The following UNC5C variants were observed in gnomAD, a reference collection of about 807,000 sequenced individuals.
UNC5C encodes the protein unc-5 netrin receptor C, also known as netrin receptor UNC5C.
In UNC5C, 47 loss-of-function variants were observed where a neutral mutation model predicts 99.8. That is an observed-to-expected ratio of 0.47 (90% CI 0.37 to 0.60). The LOEUF is 0.60. Ranked by LOEUF, UNC5C falls within the 20% of genes least tolerant of loss-of-function variation. The pLI, the probability that UNC5C is intolerant of heterozygous loss-of-function variation, is 0.00. For missense variants in UNC5C, 1,062 were observed against 1,165.9 expected (o/e 0.91, Z 1.30); for synonymous variants, 487 against 452.2 (o/e 1.08, Z -0.98).
At chr4:95,333,802 T>C (rs1278764028) in intron 2 of UNC5C, among the ~76,000 whole-genome samples, 1 of 152,168 alleles carries the variant, frequency 6.6e-6, no homozygotes, top group Non-Finnish European at 1.5e-5. Context: ...TAAGCCTGAA[T>C]ATGTTGTAAC....
chr4:95,230,685 T>C (rs570166754), intron 7 of UNC5C, among the ~76,000 whole-genome samples: 4 of 152,108 alleles, frequency 2.6e-5, no homozygotes, highest in Admixed American at 2.6e-4. Context: ...ACACCATTCA[T>C]TAAATAGGGC....
intron 1 of UNC5C, among the ~76,000 whole-genome samples, chr4:95,503,866 A>G (rs1721842007): frequency 6.6e-6 from 1 of 152,122 alleles, no homozygotes. Context: ...ACTTATATTC[A>G]GTGAAAATTT....
intron 1 of UNC5C, among the ~76,000 whole-genome samples, chr4:95,459,589 C>A (rs896869839): frequency 6.6e-6 from 1 of 152,132 alleles, no homozygotes; most frequent in Non-Finnish European, 1.5e-5. Context: ...CAAGCCAATT[C>A]AATGCAGTGG....
chr4:95,411,161 C>T (rs1745976107), intron 1 of UNC5C, among the ~76,000 whole-genome samples: 1 of 152,138 alleles, frequency 6.6e-6, no homozygotes, highest in South Asian at 2.1e-4. Context: ...ATGACCAGGA[C>T]AGGGAAGATG....
At chr4:95,525,758 A>C (rs1722483750) in intron 1 of UNC5C, among the ~76,000 whole-genome samples, 1 of 152,146 alleles carries the variant, frequency 6.6e-6, no homozygotes, top group Non-Finnish European at 1.5e-5. Flanking sequence ...TACTCTACTC[A>C]AAAGTGACAG....
At chr4:95,532,374 C>A (rs1466078014) in intron 1 of UNC5C, among the ~76,000 whole-genome samples, 1 of 151,582 alleles carries the variant, frequency 6.6e-6, no homozygotes, top group Non-Finnish European at 1.5e-5. Flanking sequence ...ATGAACTTTA[C>A]CAACCTGAGT....
intron 2 of UNC5C, among the ~76,000 whole-genome samples, chr4:95,317,009 GA>G (rs565804779): frequency 0.042 from 5,815 of 138,086 alleles, 154 homozygotes; most frequent in Non-Finnish European, 0.06. Flanking sequence ...CAAAATAAAA[GA>G]AAAAAAAAAA....
chr4:95,259,709 A>G (rs1313142815), intron 4 of UNC5C, among the ~76,000 whole-genome samples: 3 of 152,140 alleles, frequency 2.0e-5, no homozygotes, highest in African/African-American at 7.2e-5. Flanking sequence ...GTATAAGAAA[A>G]CATTATCAGT....
intron 3 of UNC5C, among the ~76,000 whole-genome samples, chr4:95,288,098 T>TTTATTTATTTATTTATTTA (rs1474255872): frequency 1.6e-3 from 58 of 37,366 alleles, no homozygotes; most frequent in Non-Finnish European, 2.4e-3. Flanking sequence ...TTATTTATTT[T>TTTATTTATTTATTTATTTA]TTGAGAGGGA....
chr4:95,424,889 A>G (rs1746433571), intron 1 of UNC5C, among the ~76,000 whole-genome samples: 1 of 152,084 alleles, frequency 6.6e-6, no homozygotes, highest in Non-Finnish European at 1.5e-5. Flanking sequence ...CTCCTAACTT[A>G]AATTCAAACC....
chr4:95,293,443 T>G (rs976337707), intron 3 of UNC5C, among the ~76,000 whole-genome samples: 2 of 151,418 alleles, frequency 1.3e-5, no homozygotes, highest in Admixed American at 6.6e-5. Context: ...GACAGTAGTA[T>G]CCCAGCTGGG....
At chr4:95,331,226 G>C (rs1158699821) in intron 2 of UNC5C, among the ~76,000 whole-genome samples, 1 of 152,156 alleles carries the variant, frequency 6.6e-6, no homozygotes, top group East Asian at 1.9e-4. Context: ...CCACTGATGG[G>C]TACTTGGGTT....
chr4:95,259,296 C>A (rs1281412072), intron 4 of UNC5C, among the ~76,000 whole-genome samples: 1 of 152,142 alleles, frequency 6.6e-6, no homozygotes, highest in Non-Finnish European at 1.5e-5. Flanking sequence ...CACCTACTGT[C>A]TGGCATACAG....
chr4:95,490,639 C>T lies in UNC5C; in HGVS notation c.124+58095G>A, dbSNP rs541159892. 1.4e-4 allele frequency among the ~76,000 whole-genome samples: 22 copies of T among 151,790 alleles called. No individual in the cohort carries two copies. The South Asian group carries it at 4.4e-3, about 30-fold the overall frequency. On this transcript the variant is annotated intron_variant, in intron 1 of 15. Coordinates refer to ENST00000453304, the MANE Select transcript of UNC5C (RefSeq NM_003728.4). ...AAAAAAATTATCATTCAGTAGTTCT[C>T]TCTCAATAATCCTCCTGCTAAGAAT...
At chr4:95,459,420 G>C (rs769965186) in intron 1 of UNC5C, among the ~76,000 whole-genome samples, 1 of 151,958 alleles carries the variant, frequency 6.6e-6, no homozygotes, top group African/African-American at 2.4e-5. Context: ...GTCTCTAAAG[G>C]CCCATTAAGG....
intron 1 of UNC5C, among the ~76,000 whole-genome samples, chr4:95,435,462 A>T (rs1031826432): frequency 6.6e-6 from 1 of 150,434 alleles, no homozygotes; most frequent in African/African-American, 2.4e-5. Flanking sequence ...AATTACTAAC[A>T]GGGAAAAATT....
At chr4:95,266,387 T>C (rs913728710) in intron 4 of UNC5C, among the ~76,000 whole-genome samples, 1 of 152,234 alleles carries the variant, frequency 6.6e-6, no homozygotes, top group African/African-American at 2.4e-5. Context: ...TACAGTGTTC[T>C]CAAAATACTA....
At chr4:95,520,291 T>A (rs919470157) in intron 1 of UNC5C, among the ~76,000 whole-genome samples, 2 of 152,214 alleles carry the variant, frequency 1.3e-5, no homozygotes, top group Non-Finnish European at 2.9e-5. Flanking sequence ...AGATAAGGAT[T>A]ATCTACCGTA....
chr4:95,312,027 A>G (rs531804042), intron 2 of UNC5C, among the ~76,000 whole-genome samples: 1 of 151,274 alleles, frequency 6.6e-6, no homozygotes, highest in South Asian at 2.1e-4. Flanking sequence ...AGCTTGGGTG[A>G]CAGAGTGAAA....
Sources: gnomAD v4.1 joint callset for allele counts (sites outside exome capture counted in the v4.1 genomes callset) on GRCh38, gnomAD v4.1.1 for gene constraint, MANE v1.5 for transcripts, NCBI Gene and HGNC (gene_info 2026-07-23, HGNC 2026-07-21) for gene names.